SLC14A1: variants seen among roughly 807,000 people sequenced by gnomAD.
SLC14A1 encodes solute carrier family 14 member 1 (Kidd blood group).
SLC14A1 carries 36 observed loss-of-function variants against 39.6 expected under a neutral mutation model. That is an observed-to-expected ratio of 0.91 (90% confidence interval 0.70 to 1.20). The LOEUF (loss-of-function observed/expected upper bound fraction) is 1.20. Among genes scored for constraint, SLC14A1 ranks in the 50% most tolerant of loss-of-function variants. The pLI, the probability that SLC14A1 is intolerant of heterozygous loss-of-function variation, is 0.00. For missense variants in SLC14A1, 469 were observed against 478.7 expected (o/e 0.98, Z 0.19); for synonymous variants, 164 against 173.6 (o/e 0.94, Z 0.43).
intron 8 of SLC14A1, among the ~76,000 whole-genome samples, chr18:45,745,993 T>G (rs1055606690): frequency 8.5e-5 from 13 of 152,180 alleles, no homozygotes; most frequent in Admixed American, 8.5e-4. Flanking sequence ...TTTTTATCAG[T>G]CCCCAGTGGC....
intron 4 of SLC14A1, 24 bp from the exon 5 acceptor site, chr18:45,734,250 C>T (rs202136116): frequency 2.1e-5 from 34 of 1,613,392 alleles, no homozygotes; most frequent in Non-Finnish European, 2.8e-5. Flanking sequence ...AGGAAATGTC[C>T]GTGCTGTGTC....
rs200996719 is a variant in SLC14A1, at chr18:45,742,352, G to T, written c.946+2690G>T. Among the ~76,000 whole-genome samples, 237 of 104,974 alleles carry T rather than the reference G, an allele frequency of 2.3e-3. 8 individuals carry two copies. The East Asian group carries it at 0.043, about 19-fold the overall frequency. 68.9% of individuals were successfully genotyped at this position (104,974 alleles called of 152,430 possible). ...GGTTTTTTGTTGTTTTTTGTTTTTT[G>T]GTTTTTTTTTTTTTTTTTTTGACAG... On this transcript the variant is annotated intron_variant, in intron 8 of 9. Transcript: ENST00000321925.
Position 45,749,820 on chromosome 18 carries a change from C to T in SLC14A1, c.1039C>T (p.Leu347=). The T allele has an allele frequency of 6.2e-7, 1 of 1,614,176 alleles. No homozygotes were observed. The highest frequency in any genetic ancestry group is 8.5e-7 in the Non-Finnish European group (1 of 1,180,026). ...ACTWPFCLAT[L]LFLIMTTKNS... ...TACCTGGCCCTTCTGTTTGGCCACG[C>T]TATTGTTCCTCATCATGACCACAAA... The change falls in exon 10 of 10, where the codon CTA becomes TTA. Residue 347 remains leucine, a synonymous_variant. Coordinates refer to ENST00000321925, the MANE Select transcript of SLC14A1 (RefSeq NM_015865.7).
intron 8 of SLC14A1, among the ~76,000 whole-genome samples, chr18:45,744,794 T>C (rs181752064): frequency 6.6e-6 from 1 of 152,340 alleles, no homozygotes; most frequent in Admixed American, 6.5e-5. Flanking sequence ...TACAATACTT[T>C]ATGCTAAGTT....
intron 9 of SLC14A1, 92 bp downstream of exon 9, chr18:45,748,517 C>A (rs2047617656): frequency 1.6e-6 from 2 of 1,281,998 alleles, no homozygotes; most frequent in South Asian, 2.4e-5. Context: ...GGCTGGCATC[C>A]AGTGGCAGGA....
intron 9 of SLC14A1, 139 bp downstream of exon 9, chr18:45,748,564 G>T: frequency 1.2e-6 from 1 of 852,596 alleles, no homozygotes; most frequent in Non-Finnish European, 2.0e-6. Flanking sequence ...CCCTTCTCCT[G>T]GAGCTCCCTG....
In SLC14A1 at chr18:45,752,273, G is replaced by A; in HGVS notation, c.*2322G>A. On this transcript the variant is annotated 3_prime_UTR_variant, in exon 10 of 10. Coordinates refer to ENST00000321925, the MANE Select transcript of SLC14A1 (RefSeq NM_015865.7). ...CTAGGCTGTGGCTGAGAGAACCAGA[G>A]GCCTCTAAAATGGACCCGAGTCGAT... is the stretch of plus-strand genomic sequence containing the variant. 3 of 984,600 alleles carry A rather than the reference G, an allele frequency of 3.0e-6. No individual in the cohort carries two copies. Among genetic ancestry groups the A allele is most frequent in the Non-Finnish European group, 3.6e-6 (3 of 829,224 alleles). The allele number at this position is 984,600 out of a possible 1,614,324, so 61.0% of individuals were successfully genotyped here.
intron 4 of SLC14A1, chr18:45,733,969 G>C: frequency 2.6e-6 from 1 of 382,900 alleles, no homozygotes; most frequent in Non-Finnish European, 5.0e-6. Flanking sequence ...AGGTGGAACA[G>C]TTTCATCCCG....
chr18:45,727,194 G>T, intron 2 of SLC14A1: 2 of 1,478,086 alleles, frequency 1.4e-6, no homozygotes, highest in Admixed American at 2.0e-5. Flanking sequence ...TGCCTTTTGC[G>T]TGGTCATTAG....
chr18:45,734,522 G>T (rs1415955820), intron 5 of SLC14A1, 120 bp downstream of exon 5: 5 of 1,023,016 alleles, frequency 4.9e-6, no homozygotes, highest in Non-Finnish European at 7.5e-6. Flanking sequence ...TTCTCTGAAT[G>T]TATAGTGGTG....
intron 8 of SLC14A1, among the ~76,000 whole-genome samples, chr18:45,742,534 A>G (rs1464058713): frequency 6.7e-6 from 1 of 149,794 alleles, no homozygotes; most frequent in Non-Finnish European, 1.5e-5. Context: ...TAATTTTTGT[A>G]TTTTTAGTAG....
Position 45,726,113 on chromosome 18 carries a change from A to G in SLC14A1, c.-22+1100A>G, listed in dbSNP as rs2046856192. On this transcript the variant is annotated intron_variant, in intron 2 of 9. Coordinates refer to ENST00000321925, the MANE Select transcript of SLC14A1 (RefSeq NM_015865.7). ...TGTTCTTTATCAAATAAAAATATTC[A>G]TAATGCAACATGCAGGCACATCAGT... Among the ~76,000 whole-genome samples the G allele has an allele frequency of 3.9e-5, 6 of 152,214 alleles. No homozygotes were observed. The South Asian group carries it at 1.2e-3, about 32-fold the overall frequency.
intron 4 of SLC14A1, chr18:45,731,412 A>G: frequency 1.6e-6 from 1 of 631,916 alleles, no homozygotes; most frequent in Non-Finnish European, 2.8e-6. Flanking sequence ...GGTCTAAATG[A>G]TGCCAGATTC....
At chr18:45,738,200 A>G (rs995098627) in intron 6 of SLC14A1, among the ~76,000 whole-genome samples, 1 of 152,200 alleles carries the variant, frequency 6.6e-6, no homozygotes, top group Non-Finnish European at 1.5e-5. Context: ...CCCTTGTGCC[A>G]AAGCTGGGGC....
At chr18:45,739,851 C>A in intron 8 of SLC14A1, 189 bp downstream of exon 8, 1 of 662,762 alleles carries the variant, frequency 1.5e-6, no homozygotes, top group Non-Finnish European at 2.6e-6. Flanking sequence ...CTCTGCCTAC[C>A]TCTCTGATGA....
At chr18:45,749,507 A>AT (rs1474338466) in intron 9 of SLC14A1, among the ~76,000 whole-genome samples, 3 of 152,146 alleles carry the variant, frequency 2.0e-5, no homozygotes, top group Admixed American at 6.5e-5. Flanking sequence ...CTCTTGGCAC[A>AT]TCTGGTGCAG....
intron 2 of SLC14A1, among the ~76,000 whole-genome samples, chr18:45,725,575 C>T (rs184764086): frequency 3.0e-4 from 45 of 152,292 alleles, no homozygotes; most frequent in Middle Eastern, 3.4e-3. Flanking sequence ...CTGTGCCCAC[C>T]GCATCGCTAA....
At position 45,751,701 on chromosome 18, in the gene SLC14A1, G is replaced by A. The variant is rs1568053759; in HGVS notation, c.*1750G>A. 4.5e-6 allele frequency: 2 copies of A among 441,432 alleles called. No individual in the cohort carries two copies. Among genetic ancestry groups the A allele is most frequent in the Non-Finnish European group, 6.0e-6 (2 of 333,600 alleles). The allele number at this position is 441,432 out of a possible 1,614,324, so 27.3% of individuals were successfully genotyped here. A position where few individuals can be genotyped will look rare whatever the true frequency, so the allele number is the denominator to read the frequency against. On this transcript the variant is annotated 3_prime_UTR_variant, in exon 10 of 10. Transcript: ENST00000321925. Reference sequence around the variant, plus strand: ...AGGCTGAGGTGGAAAGATCGCTTGTGCACAGAAGTTCGAGGCTGCAGTGAG... The same window carrying A: ...AGGCTGAGGTGGAAAGATCGCTTGTACACAGAAGTTCGAGGCTGCAGTGAG...
At chr18:45,727,327 G>A in intron 2 of SLC14A1, 1 of 1,551,644 alleles carries the variant, frequency 6.4e-7, no homozygotes, top group Non-Finnish European at 8.7e-7. Context: ...GGTCCTGTTT[G>A]GAAGGACCCT....
Sources: gnomAD v4.1 joint callset for allele counts (sites outside exome capture counted in the v4.1 genomes callset) on GRCh38, gnomAD v4.1.1 for gene constraint, MANE v1.5 for transcripts, NCBI Gene and HGNC (gene_info 2026-07-23, HGNC 2026-07-21) for gene names.